Variants in CLASP2 observed in about 807,000 individuals in gnomAD.
CLASP2 encodes CLIP-associating protein 2.
CLASP2 carries 47 observed loss-of-function variants against 194.4 expected under a neutral mutation model. The observed-to-expected ratio is 0.24, with a 90% CI of 0.19 to 0.31. CLASP2 has a LOEUF of 0.31. Ranked by LOEUF, CLASP2 falls within the 10% of genes least tolerant of loss-of-function variation. The probability of loss-of-function intolerance (pLI) is 1.00; values close to 1 mark genes in which losing one functional copy is unlikely to be tolerated. For missense variants in CLASP2, 1,445 were observed against 1,823.6 expected (o/e 0.79, Z 3.78); for synonymous variants, 619 against 633.5 (o/e 0.98, Z 0.34).
chr3:33,555,248 C>CA (rs1234752846), intron 29 of CLASP2, among the ~76,000 whole-genome samples: 2 of 151,226 alleles, frequency 1.3e-5, no homozygotes, highest in East Asian at 1.9e-4. Context: ...AAATTTATTG[C>CA]AAAAAAACAA....
chr3:33,650,922 T>C (rs1373560165), intron 7 of CLASP2, among the ~76,000 whole-genome samples: 1 of 152,238 alleles, frequency 6.6e-6, no homozygotes, highest in African/African-American at 2.4e-5. Flanking sequence ...ATGACTTATC[T>C]GCATGCCTGA....
chr3:33,578,405 C>T (rs944139136), intron 23 of CLASP2, among the ~76,000 whole-genome samples: 1 of 151,892 alleles, frequency 6.6e-6, no homozygotes, highest in Admixed American at 6.6e-5. Flanking sequence ...AAATGAATAG[C>T]CAAAAAATGC....
chr3:33,586,152 C>T (rs1486723306), intron 21 of CLASP2, among the ~76,000 whole-genome samples: 3 of 151,742 alleles, frequency 2.0e-5, no homozygotes, highest in Admixed American at 6.6e-5. Flanking sequence ...TTTTCCCCCC[C>T]GAGACAGAGT....
chr3:33,673,016 C>A (rs1442541294), intron 6 of CLASP2, among the ~76,000 whole-genome samples: 1 of 152,194 alleles, frequency 6.6e-6, no homozygotes, highest in East Asian at 1.9e-4. Flanking sequence ...GGAAAACACT[C>A]TGCAGGATAT....
chr3:33,676,011 AG>A (rs1361819605), intron 6 of CLASP2, among the ~76,000 whole-genome samples: 5 of 151,820 alleles, frequency 3.3e-5, no homozygotes, highest in South Asian at 2.1e-4. Context: ...ATACTGCCCA[AG>A]GTAATTTATA....
intron 23 of CLASP2, among the ~76,000 whole-genome samples, chr3:33,577,802 A>T (rs925845411): frequency 1.3e-5 from 2 of 152,314 alleles, no homozygotes; most frequent in East Asian, 3.9e-4. Context: ...TGCCTTTACA[A>T]AAGAGACCCC....
chr3:33,532,764 C>A (rs2056597411), intron 34 of CLASP2, among the ~76,000 whole-genome samples: 1 of 152,162 alleles, frequency 6.6e-6, no homozygotes, highest in Non-Finnish European at 1.5e-5. Flanking sequence ...TCTTCACAGG[C>A]ATCATCATAG....
chr3:33,604,111 A>C, intron 17 of CLASP2, 43 bp downstream of exon 17: 2 of 1,428,214 alleles, frequency 1.4e-6, no homozygotes, highest in Non-Finnish European at 1.9e-6. Context: ...CTACTGTTTC[A>C]AAGATAAAAT....
intron 10 of CLASP2, among the ~76,000 whole-genome samples, chr3:33,625,187 T>A (rs548933594): frequency 1.3e-4 from 11 of 84,116 alleles, no homozygotes; most frequent in Non-Finnish European, 2.5e-4. Context: ...AAAAATTACA[T>A]GTCATGGGGT....
intron 36 of CLASP2, among the ~76,000 whole-genome samples, chr3:33,514,288 A>ATT (rs199853085): frequency 2.7e-5 from 4 of 149,616 alleles, no homozygotes; most frequent in East Asian, 2.0e-4. Flanking sequence ...TGCCCAGCCA[A>ATT]TTTTTTTTTT....
intron 26 of CLASP2, among the ~76,000 whole-genome samples, chr3:33,570,315 T>C (rs1412581715): frequency 6.6e-6 from 1 of 152,196 alleles, no homozygotes; most frequent in Non-Finnish European, 1.5e-5. Context: ...ATGACAATTC[T>C]TTTCTACAAA....
At chr3:33,587,731 A>C (rs2067728309) in intron 21 of CLASP2, among the ~76,000 whole-genome samples, 1 of 152,212 alleles carries the variant, frequency 6.6e-6, no homozygotes, top group African/African-American at 2.4e-5. Context: ...AAGGATACTC[A>C]TATAAGGAAC....
chr3:33,609,948 T>C (rs1056038509), intron 13 of CLASP2, among the ~76,000 whole-genome samples: 1 of 152,224 alleles, frequency 6.6e-6, no homozygotes, highest in Non-Finnish European at 1.5e-5. Context: ...ACTTAAACCT[T>C]GGCATTCTGA....
chr3:33,673,463 A>T (rs2087814690), intron 6 of CLASP2, among the ~76,000 whole-genome samples: 1 of 152,198 alleles, frequency 6.6e-6, no homozygotes, highest in Non-Finnish European at 1.5e-5. Context: ...GGAAAGGAAC[A>T]ACCAGTACCA....
intron 5 of CLASP2, among the ~76,000 whole-genome samples, chr3:33,685,943 T>C (rs746664061): frequency 6.6e-6 from 1 of 151,944 alleles, no homozygotes; most frequent in African/African-American, 2.4e-5. Context: ...TGCAAAACAA[T>C]GTGAATGTAC....
At chr3:33,548,950 T>C (rs2059586184) in intron 30 of CLASP2, among the ~76,000 whole-genome samples, 3 of 151,828 alleles carry the variant, frequency 2.0e-5, no homozygotes, top group South Asian at 4.2e-4. Context: ...AATTTTCTTT[T>C]TTTGCATAGA....
At chr3:33,577,274 C>G (rs1024426586) in intron 23 of CLASP2, 3 of 1,596,594 alleles carry the variant, frequency 1.9e-6, no homozygotes, top group Admixed American at 3.3e-5. Flanking sequence ...GCTGGAATAA[C>G]AGGACCATAC....
chr3:33,686,603 G>A (rs114294947), intron 5 of CLASP2, among the ~76,000 whole-genome samples: 95 of 152,242 alleles, frequency 6.2e-4, no homozygotes, highest in African/African-American at 2.1e-3. Context: ...GTTGGGGGCC[G>A]CTGGTATAGA....
At chr3:33,683,740 G>C (rs1344844603) in intron 6 of CLASP2, 1 of 152,330 alleles carries the variant, frequency 6.6e-6, no homozygotes, top group East Asian at 1.9e-4. Flanking sequence ...TCAGGAGTTC[G>C]AGACCAACCT....
Sources: gnomAD v4.1 joint callset for allele counts (sites outside exome capture counted in the v4.1 genomes callset) on GRCh38, gnomAD v4.1.1 for gene constraint, MANE v1.5 for transcripts, NCBI Gene and HGNC (gene_info 2026-07-23, HGNC 2026-07-21) for gene names.